The following LRP12 variants were observed in gnomAD, a reference collection of about 807,000 sequenced individuals.
The protein encoded by LRP12 is LDL receptor related protein 12.
In LRP12, 14 loss-of-function variants were observed where a neutral mutation model predicts 66.0. The ratio of observed to expected loss-of-function variants is 0.21; its 90% confidence interval spans 0.14 to 0.33. The LOEUF (loss-of-function observed/expected upper bound fraction) is 0.33. Ranked by LOEUF, LRP12 falls within the 10% of genes least tolerant of loss-of-function variation. The pLI is 1.00. For synonymous variants in LRP12, 357 were observed against 359.1 expected (o/e 0.99, Z 0.07); for missense variants, 889 against 1,053.4 (o/e 0.84, Z 2.16).
At chr8:104,571,151 T>G (rs1449673171) in intron 1 of LRP12, among the ~76,000 whole-genome samples, 1 of 152,156 alleles carries the variant, frequency 6.6e-6, no homozygotes, top group Non-Finnish European at 1.5e-5. Flanking sequence ...GGAAAACGGT[T>G]TGGTAGTTTC....
rs770013082 is a variant in LRP12, at chr8:104,497,780, T to C, written c.772A>G (p.Thr258Ala). 6.2e-7 allele frequency: 1 copy of C among 1,614,172 alleles called. No homozygotes were observed. Among genetic ancestry groups the C allele is most frequent in the Non-Finnish European group, 8.5e-7 (1 of 1,180,018 alleles). Residue 258 changes from threonine to alanine, a missense_variant, in exon 5 of 7, where the codon ACA becomes GCA. Physicochemically the swap from Thr to Ala is moderately conservative, Grantham distance 58. Coordinates refer to ENST00000276654, the MANE Select transcript of LRP12 (RefSeq NM_013437.5). The surrounding 1 kb of genome is among the most constrained non-coding windows in gnomAD (Gnocchi z 4.3). ...AAATATTTTAGCCATTGCCCACATG[T>C]TGGCACATCACAGTCTATCTCATCT... The part of the protein sequence containing the change: ...LGDEIDCDVP[T>A]CGQWLKYFYG...
At chr8:104,586,252 A>G (rs1812329770) in intron 1 of LRP12, among the ~76,000 whole-genome samples, 1 of 152,250 alleles carries the variant, frequency 6.6e-6, no homozygotes, top group Admixed American at 6.5e-5. Flanking sequence ...GTCACATATC[A>G]GAGCCCATAA....
chr8:104,534,898 C>A (rs533289797), intron 1 of LRP12, among the ~76,000 whole-genome samples: 1 of 151,870 alleles, frequency 6.6e-6, no homozygotes, highest in East Asian at 1.9e-4. Context: ...AATGCCCCCT[C>A]CCAAACCCCA....
intron 1 of LRP12, among the ~76,000 whole-genome samples, chr8:104,560,579 T>C (rs910740985): frequency 6.6e-6 from 1 of 152,194 alleles, no homozygotes; most frequent in African/African-American, 2.4e-5. Context: ...GATCAATTTG[T>C]CTTTGCTGTA....
intron 6 of LRP12, among the ~76,000 whole-genome samples, chr8:104,491,914 A>G (rs1334267377): frequency 6.6e-6 from 1 of 152,172 alleles, no homozygotes; most frequent in Non-Finnish European, 1.5e-5. Context: ...GGAACATAGG[A>G]GAATCTCTAC....
intron 2 of LRP12, among the ~76,000 whole-genome samples, chr8:104,522,515 T>G (rs1303397746): frequency 2.0e-5 from 3 of 152,086 alleles, no homozygotes; most frequent in Non-Finnish European, 4.4e-5. Flanking sequence ...CACAGAAATG[T>G]CAGATTTGCC....
chr8:104,552,517 AT>A (rs148055665), intron 1 of LRP12, among the ~76,000 whole-genome samples: 2,568 of 149,156 alleles, frequency 0.017, 70 homozygotes, highest in African/African-American at 0.059. Flanking sequence ...TAAAAATACA[AT>A]TTTTTTTTTC....
chr8:104,510,865 C>T (rs1474153751), intron 2 of LRP12, among the ~76,000 whole-genome samples: 1 of 151,810 alleles, frequency 6.6e-6, no homozygotes, highest in Non-Finnish European at 1.5e-5. Context: ...AATATTCATA[C>T]TGATCTAAGA....
intron 1 of LRP12, 93 bp from the exon 2 acceptor site, chr8:104,532,056 G>T (rs1811332281): frequency 1.4e-6 from 1 of 714,640 alleles, no homozygotes. Flanking sequence ...ACTACATAGA[G>T]TTCCTTTTAA....
intron 1 of LRP12, among the ~76,000 whole-genome samples, chr8:104,564,213 C>T (rs754671732): frequency 2.0e-5 from 3 of 152,098 alleles, no homozygotes; most frequent in Non-Finnish European, 2.9e-5. Flanking sequence ...TCACATACAT[C>T]ACAGAAGTTT....
chr8:104,518,698 C>T (rs971579091), intron 2 of LRP12, among the ~76,000 whole-genome samples: 3 of 151,976 alleles, frequency 2.0e-5, no homozygotes, highest in African/African-American at 7.2e-5. Context: ...CAGAACTGAC[C>T]AGCTTCTTAG....
At chr8:104,552,068 G>A (rs558599396) in intron 1 of LRP12, among the ~76,000 whole-genome samples, 2 of 152,324 alleles carry the variant, frequency 1.3e-5, no homozygotes, top group South Asian at 2.1e-4. Flanking sequence ...ACGAGTGAAC[G>A]AAGTCAGAAA....
chr8:104,573,611 T>A (rs1812116019), intron 1 of LRP12, among the ~76,000 whole-genome samples: 1 of 152,138 alleles, frequency 6.6e-6, no homozygotes, highest in Non-Finnish European at 1.5e-5. Context: ...ACAAAATTTT[T>A]AATTTTTGCT....
chr8:104,521,222 G>A (rs916582986), intron 2 of LRP12, among the ~76,000 whole-genome samples: 2 of 151,770 alleles, frequency 1.3e-5, no homozygotes, highest in Non-Finnish European at 2.9e-5. Context: ...ATGCTCCAAT[G>A]AGCATTTCCT....
chr8:104,565,935 G>A (rs1221827275), intron 1 of LRP12, among the ~76,000 whole-genome samples: 1 of 148,772 alleles, frequency 6.7e-6, no homozygotes, highest in Non-Finnish European at 1.5e-5. Context: ...AAAGACGGAG[G>A]GGGAGAAAGG....
At chr8:104,545,029 T>C (rs6998025) in intron 1 of LRP12, among the ~76,000 whole-genome samples, 4,295 of 152,262 alleles carry the variant, frequency 0.028, 143 homozygotes, top group African/African-American at 0.079. Flanking sequence ...CATGATTCCA[T>C]TGGAGGTCAA....
Position 104,502,201 on chromosome 8 carries a change from G to A in LRP12, c.273-2682C>T, listed in dbSNP as rs192850086. Among the ~76,000 whole-genome samples the A allele has an allele frequency of 7.9e-5, 12 of 152,234 alleles. 2 individuals carry two copies. The highest frequency in any genetic ancestry group is 6.5e-4 in the Admixed American group (10 of 15,294). ...TAGTTTAAGGACACTGTCTTTACTT[G>A]TAAAGTATGACACACAGAGTTTCAT... On this transcript the variant is annotated intron_variant, in intron 3 of 6. Transcript: ENST00000276654.
chr8:104,502,784 T>C (rs1328226680), intron 3 of LRP12, among the ~76,000 whole-genome samples: 3 of 151,982 alleles, frequency 2.0e-5, no homozygotes, highest in Admixed American at 2.0e-4. Context: ...CTAGTTTGGT[T>C]TTAAAATATC....
chr8:104,545,540 C>G (rs1448862539), intron 1 of LRP12, among the ~76,000 whole-genome samples: 1 of 152,150 alleles, frequency 6.6e-6, no homozygotes, highest in Non-Finnish European at 1.5e-5. Context: ...CTTCAACAAC[C>G]ACTACCCTGA....
Sources: allele counts gnomAD v4.1 joint callset (sites outside exome capture counted in the v4.1 genomes callset), GRCh38; gene constraint gnomAD v4.1.1; non-coding constraint Gnocchi (gnomAD v3.1); transcripts MANE v1.5; gene names NCBI Gene and HGNC (gene_info 2026-07-23, HGNC 2026-07-21).